Variants in CNTN4 observed in about 807,000 individuals in gnomAD.
CNTN4 encodes the protein contactin-4.
Under a neutral mutation model 122.5 loss-of-function variants are expected in CNTN4, and 77 were observed. The ratio of observed to expected loss-of-function variants is 0.63; its 90% CI spans 0.52 to 0.76. CNTN4 has a LOEUF of 0.76. CNTN4 is among the 30% of genes least tolerant of loss of function. The pLI, the probability that CNTN4 is intolerant of heterozygous loss-of-function variation, is 0.00. For missense variants in CNTN4, 1,256 were observed against 1,259.1 expected (o/e 1.00, Z 0.04); for synonymous variants, 512 against 447.0 (o/e 1.15, Z -1.83).
At chr3:2,669,539 C>T (rs1394570354) in intron 4 of CNTN4, among the ~76,000 whole-genome samples, 1 of 152,140 alleles carries the variant, frequency 6.6e-6, no homozygotes, top group African/African-American at 2.4e-5. Context: ...TTTCAAAAAA[C>T]CACCTCCTGG....
intron 4 of CNTN4, among the ~76,000 whole-genome samples, chr3:2,710,830 G>A (rs1328836714): frequency 1.3e-5 from 2 of 152,136 alleles, no homozygotes. Context: ...TTTGCTTGTG[G>A]CAAAGGCTTT....
chr3:2,628,643 C>G (rs1046267549), intron 4 of CNTN4, among the ~76,000 whole-genome samples: 7 of 152,114 alleles, frequency 4.6e-5, no homozygotes, highest in African/African-American at 1.7e-4. Context: ...GAACAAAGCT[C>G]TCTATTCTCT....
At chr3:3,040,504 A>G (rs1002460316) in intron 20 of CNTN4, 5 of 560,358 alleles carry the variant, frequency 8.9e-6, no homozygotes, top group Admixed American at 5.8e-5. Flanking sequence ...TCCATTGCTA[A>G]GGACCAGAAT....
chr3:2,293,940 T>C (rs2042218097), intron 2 of CNTN4, among the ~76,000 whole-genome samples: 2 of 152,208 alleles, frequency 1.3e-5, no homozygotes, highest in African/African-American at 2.4e-5. Context: ...TCAGCAGTTT[T>C]GACTGGGCTC....
chr3:2,545,763 C>A (rs957406603), intron 3 of CNTN4, among the ~76,000 whole-genome samples: 1 of 151,704 alleles, frequency 6.6e-6, no homozygotes, highest in African/African-American at 2.4e-5. Context: ...TGAGTGTTAT[C>A]GCATGTGAGG....
chr3:2,459,591 C>T (rs1218517620), intron 3 of CNTN4, among the ~76,000 whole-genome samples: 1 of 152,088 alleles, frequency 6.6e-6, no homozygotes, highest in South Asian at 2.1e-4. Context: ...GACTTTTCAT[C>T]TTGGTCTTGC....
intron 23 of CNTN4, among the ~76,000 whole-genome samples, chr3:3,052,015 C>T (rs976309961): frequency 4.6e-5 from 7 of 152,184 alleles, no homozygotes; most frequent in Non-Finnish European, 1.0e-4. Context: ...ATCACAAACT[C>T]CAGGAATGGG....
At position 2,556,169 on chromosome 3, in the gene CNTN4, C is replaced by G. The variant is rs573413641; in HGVS notation, c.-88-15247C>G. ...AGGAGGCTTTATTATGTATTTATAG[C>G]AAAACAAAAATTGGCACCAAGAGGC... On this transcript the variant is annotated intron_variant, in intron 3 of 24. Transcript: ENST00000418658. Among the ~76,000 whole-genome samples the G allele has an allele frequency of 1.3e-4, 20 of 152,128 alleles. No individual in the cohort carries two copies. The South Asian group carries it at 3.9e-3, about 30-fold the overall frequency.
At chr3:2,914,691 A>AT (rs2094335765) in intron 12 of CNTN4, among the ~76,000 whole-genome samples, 1 of 152,254 alleles carries the variant, frequency 6.6e-6, no homozygotes, top group African/African-American at 2.4e-5. Flanking sequence ...TCAGTGGAGA[A>AT]TTCTACCAAA....
intron 4 of CNTN4, among the ~76,000 whole-genome samples, chr3:2,624,518 T>G (rs1249536974): frequency 6.6e-6 from 1 of 152,058 alleles, no homozygotes; most frequent in East Asian, 1.9e-4. Flanking sequence ...CATGGCAAGC[T>G]TTTCAGATTA....
At chr3:2,647,921 A>G (rs1347322885) in intron 4 of CNTN4, among the ~76,000 whole-genome samples, 7 of 152,214 alleles carry the variant, frequency 4.6e-5, no homozygotes, top group East Asian at 1.9e-4. Flanking sequence ...TGTTAAACCA[A>G]TATGTTTACA....
chr3:2,816,211 G>T (rs1048732855), intron 6 of CNTN4, among the ~76,000 whole-genome samples: 3 of 147,986 alleles, frequency 2.0e-5, no homozygotes, highest in African/African-American at 7.9e-5. Context: ...AAAATTAGCC[G>T]GGCGTGGTGG....
intron 7 of CNTN4, among the ~76,000 whole-genome samples, chr3:2,837,211 T>C (rs2093246743): frequency 6.6e-6 from 1 of 152,226 alleles, no homozygotes; most frequent in East Asian, 1.9e-4. Flanking sequence ...AAAAGCATTT[T>C]TTGTACTAGC....
At chr3:2,779,139 G>A (rs111911147) in intron 6 of CNTN4, among the ~76,000 whole-genome samples, 1 of 152,274 alleles carries the variant, frequency 6.6e-6, no homozygotes, top group Non-Finnish European at 1.5e-5. Flanking sequence ...TATCTGGTGG[G>A]GGGAGGGTAG....
intron 4 of CNTN4, among the ~76,000 whole-genome samples, chr3:2,726,772 T>A (rs1195647353): frequency 6.6e-6 from 1 of 152,192 alleles, no homozygotes; most frequent in Non-Finnish European, 1.5e-5. Context: ...CCTAATACAT[T>A]TGCCAGGACC....
At chr3:2,287,751 GA>G (rs2041989628) in intron 2 of CNTN4, among the ~76,000 whole-genome samples, 1 of 145,298 alleles carries the variant, frequency 6.9e-6, no homozygotes, top group African/African-American at 2.7e-5. Flanking sequence ...AGAAGAAGAA[GA>G]AGAAGAAGAA....
intron 2 of CNTN4, among the ~76,000 whole-genome samples, chr3:2,233,225 G>C (rs1304507018): frequency 6.6e-6 from 1 of 152,030 alleles, no homozygotes; most frequent in African/African-American, 2.4e-5. Flanking sequence ...TTACATACCA[G>C]ATTCTTCACT....
intron 13 of CNTN4, chr3:2,985,177 G>C (rs1410502141): frequency 6.6e-6 from 1 of 152,142 alleles, no homozygotes; most frequent in Non-Finnish European, 1.5e-5. Context: ...TGAGAAGTTG[G>C]TAATCATCTG....
At chr3:2,677,218 TATCTATATAGAGAG>T (rs2084906548) in intron 4 of CNTN4, among the ~76,000 whole-genome samples, 3 of 150,210 alleles carry the variant, frequency 2.0e-5, no homozygotes, top group Non-Finnish European at 4.4e-5. Context: ...TGTATATATA[TATCTATATAGAGAG>T]ATCTATATAC....
Sources: gnomAD v4.1 joint callset for allele counts (sites outside exome capture counted in the v4.1 genomes callset) on GRCh38, gnomAD v4.1.1 for gene constraint, MANE v1.5 for transcripts, NCBI Gene and HGNC (gene_info 2026-07-23, HGNC 2026-07-21) for gene names.